DOCK1: variants seen among roughly 807,000 people sequenced by gnomAD.
DOCK1 encodes the protein dedicator of cytokinesis 1.
DOCK1 carries 138 observed loss-of-function variants against 262.7 expected under a neutral mutation model. The ratio of observed to expected loss-of-function variants is 0.53; its 90% CI spans 0.46 to 0.61. The LOEUF is 0.61. Among genes scored for constraint, DOCK1 ranks in the 20% least tolerant of loss-of-function variants. The pLI is 0.00. For synonymous variants in DOCK1, 866 were observed against 867.4 expected (o/e 1.00, Z 0.03); for missense variants, 1,908 against 2,370.7 (o/e 0.80, Z 4.05).
chr10:127,351,088 G>A (rs1362767657), intron 31 of DOCK1, among the ~76,000 whole-genome samples: 1 of 152,152 alleles, frequency 6.6e-6, no homozygotes, highest in Non-Finnish European at 1.5e-5. Flanking sequence ...TATGTTTCTT[G>A]GAGTGAAGGT....
At chr10:126,997,775 G>T (rs1192569312) in intron 7 of DOCK1, 1 of 301,844 alleles carries the variant, frequency 3.3e-6, no homozygotes, top group African/African-American at 2.1e-5. Flanking sequence ...TCCTTGGAGG[G>T]TTTAGTCTAA....
At chr10:127,351,035 C>T (rs745570733) in intron 31 of DOCK1, among the ~76,000 whole-genome samples, 1 of 152,140 alleles carries the variant, frequency 6.6e-6, no homozygotes, top group Non-Finnish European at 1.5e-5. Flanking sequence ...TAGATTCAGG[C>T]TCAGGCTGGC....
intron 29 of DOCK1, among the ~76,000 whole-genome samples, chr10:127,316,168 A>G (rs1230509292): frequency 3.9e-5 from 6 of 152,224 alleles, no homozygotes; most frequent in Non-Finnish European, 8.8e-5. Context: ...TTTTGTGGTC[A>G]GAGCACCTAA....
chr10:127,031,903 C>T (rs1302983639), intron 17 of DOCK1, 150 bp downstream of exon 17: 4 of 885,830 alleles, frequency 4.5e-6, no homozygotes, highest in Non-Finnish European at 5.2e-6. Context: ...AATGACCAGC[C>T]CTTTTGTTGT....
At chr10:127,309,024 G>T (rs1046907035) in intron 29 of DOCK1, among the ~76,000 whole-genome samples, 6 of 152,204 alleles carry the variant, frequency 3.9e-5, no homozygotes, top group African/African-American at 1.4e-4. Flanking sequence ...TGTCTTCCAT[G>T]ATGGTTGAAC....
At chr10:126,982,011 G>A (rs761615961) in intron 4 of DOCK1, 38 bp downstream of exon 4, 2 of 1,607,096 alleles carry the variant, frequency 1.2e-6, no homozygotes, top group East Asian at 2.2e-5. Context: ...AGAATTGCAA[G>A]TACTATATTT....
intron 8 of DOCK1, among the ~76,000 whole-genome samples, chr10:126,999,036 G>A (rs1316803716): frequency 1.3e-5 from 2 of 152,052 alleles, no homozygotes; most frequent in East Asian, 1.9e-4. Context: ...AAATAAACAT[G>A]CATTGTGCTG....
At chr10:127,352,584 C>T (rs1160988202) in intron 31 of DOCK1, among the ~76,000 whole-genome samples, 1 of 152,076 alleles carries the variant, frequency 6.6e-6, no homozygotes, top group Non-Finnish European at 1.5e-5. Context: ...TGAAGTTCAG[C>T]CTAGCAGTGG....
chr10:127,209,639 A>G (rs1281295029), intron 27 of DOCK1, among the ~76,000 whole-genome samples: 2 of 152,166 alleles, frequency 1.3e-5, no homozygotes, highest in Non-Finnish European at 2.9e-5. Flanking sequence ...GGTGCCTTTC[A>G]TTTGTAAATG....
intron 46 of DOCK1, among the ~76,000 whole-genome samples, chr10:127,425,439 A>G (rs370435166): frequency 6.6e-6 from 1 of 152,230 alleles, no homozygotes; most frequent in Non-Finnish European, 1.5e-5. Context: ...CAAAAAAGGA[A>G]GATTTTTCAG....
At chr10:127,400,475 C>A (rs1342093468) in intron 38 of DOCK1, among the ~76,000 whole-genome samples, 1 of 152,188 alleles carries the variant, frequency 6.6e-6, no homozygotes, top group Admixed American at 6.5e-5. Flanking sequence ...GGGGAAGCAG[C>A]TTGGAAGTGC....
Position 127,027,144 on chromosome 10 carries a change from C to T in DOCK1, c.1624+720C>T, listed in dbSNP as rs894439983. ...GAGAGTTGGCTACAGGCTTGTGTGC[C>T]GCAGGCAGTTAAAGGAAAAGAGTGG... On this transcript the variant is annotated intron_variant, in intron 16 of 51. Coordinates refer to ENST00000623213, the MANE Select transcript of DOCK1 (RefSeq NM_001290223.2). 1.9e-4 allele frequency among the ~76,000 whole-genome samples: 29 copies of T among 152,278 alleles called. No individual in the cohort carries two copies. In the East Asian group the frequency reaches 3.5e-3, roughly 18 times the overall value.
chr10:127,449,279 A>G (rs2070800175), intron 51 of DOCK1, among the ~76,000 whole-genome samples: 1 of 152,240 alleles, frequency 6.6e-6, no homozygotes, highest in Non-Finnish European at 1.5e-5. Flanking sequence ...TTTCCCTAAC[A>G]GCTTCGTTAA....
intron 27 of DOCK1, among the ~76,000 whole-genome samples, chr10:127,154,466 C>T (rs535990878): frequency 1.3e-5 from 2 of 152,264 alleles, no homozygotes; most frequent in East Asian, 3.9e-4. Flanking sequence ...ATCCGAAATT[C>T]AAATTTCAGT....
Position 127,125,448 on chromosome 10 carries a change from G to T in DOCK1, c.2624-26G>T. ...GTTGCGTCTTGGTGGGTTTCACACT[G>T]ACTGGCAATGCTGTGTCCTGTGTAG... On this transcript the variant is annotated intron_variant, in intron 25 of 51. Coordinates refer to ENST00000623213, the MANE Select transcript of DOCK1 (RefSeq NM_001290223.2). 1.9e-6 allele frequency: 3 copies of T among 1,610,958 alleles called. No homozygotes were observed. In the South Asian group the frequency reaches 3.3e-5, roughly 18 times the overall value.
At chr10:127,149,809 T>C (rs1478632735) in intron 27 of DOCK1, among the ~76,000 whole-genome samples, 1 of 152,166 alleles carries the variant, frequency 6.6e-6, no homozygotes, top group Non-Finnish European at 1.5e-5. Flanking sequence ...ATTTTGAAAT[T>C]CCTTTAAGCT....
chr10:127,271,362 G>A (rs2060561958), intron 29 of DOCK1, among the ~76,000 whole-genome samples: 1 of 152,018 alleles, frequency 6.6e-6, no homozygotes, highest in Non-Finnish European at 1.5e-5. Flanking sequence ...TTTTCAACAC[G>A]AAATTGGAAA....
chr10:127,338,289 G>A (rs1463782412), intron 29 of DOCK1, among the ~76,000 whole-genome samples: 2 of 152,214 alleles, frequency 1.3e-5, no homozygotes, highest in Non-Finnish European at 2.9e-5. Flanking sequence ...GAATGAACAA[G>A]CATGTGAGAG....
intron 27 of DOCK1, among the ~76,000 whole-genome samples, chr10:127,194,803 C>T (rs2056988647): frequency 6.6e-6 from 1 of 152,172 alleles, no homozygotes; most frequent in South Asian, 2.1e-4. Context: ...GCTTCCCAGC[C>T]AAGGCAGGGC....
Sources: gnomAD v4.1 joint callset for allele counts (sites outside exome capture counted in the v4.1 genomes callset) on GRCh38, gnomAD v4.1.1 for gene constraint, MANE v1.5 for transcripts, NCBI Gene and HGNC (gene_info 2026-07-23, HGNC 2026-07-21) for gene names.